HS2ST1: variants seen among roughly 807,000 people sequenced by gnomAD.
HS2ST1 encodes the protein heparan sulfate 2-O-sulfotransferase 1, also known as 2-O-sulfotransferase.
HS2ST1 carries 18 observed loss-of-function variants against 42.9 expected under a neutral mutation model. The ratio of observed to expected loss-of-function variants is 0.42; its 90% CI spans 0.29 to 0.62. The LOEUF is 0.62. HS2ST1 is among the 20% of genes least tolerant of loss of function. The pLI, the probability that HS2ST1 is intolerant of heterozygous loss-of-function variation, is 0.21. For missense variants in HS2ST1, 334 were observed against 433.8 expected, an observed-to-expected ratio of 0.77 and a Z score of 2.04; for synonymous variants, 146 against 152.9, an observed-to-expected ratio of 0.95 and a Z score of 0.33.
Position 87,105,237 on chromosome 1 carries a change from TG to T in HS2ST1, c.*542del, listed in dbSNP as rs1206048020. On this transcript the variant is annotated 3_prime_UTR_variant, in exon 7 of 7. Transcript: ENST00000370550. Reference sequence around the variant, plus strand: ...GAAATGTTTCTGCTGTAGTTGGATTTGCCCATATTTATGTAGGTGGTTTTAA... The same window carrying T: ...GAAATGTTTCTGCTGTAGTTGGATTTCCCATATTTATGTAGGTGGTTTTAA... 1.3e-5 allele frequency: 2 copies of T among 152,656 alleles called. No individual in the cohort carries two copies. The highest frequency in any genetic ancestry group is 2.4e-5 in the African/African-American group (1 of 41,462). The allele number at this position is 152,656 out of a possible 1,614,324, so 9.5% of individuals were successfully genotyped here.
intron 1 of HS2ST1, among the ~76,000 whole-genome samples, chr1:86,974,660 ACT>A (rs1215142521): frequency 1.3e-5 from 2 of 152,124 alleles, no homozygotes; most frequent in African/African-American, 4.8e-5. Context: ...TTCTGCACTA[ACT>A]CTGAGCAGAA....
chr1:86,938,824 C>G (rs1660707164), intron 1 of HS2ST1, among the ~76,000 whole-genome samples: 2 of 152,100 alleles, frequency 1.3e-5, no homozygotes, highest in South Asian at 4.1e-4. Flanking sequence ...TTAATTGATT[C>G]TTAGAGAGTC....
intron 1 of HS2ST1, among the ~76,000 whole-genome samples, chr1:86,940,979 C>T (rs1205380889): frequency 1.3e-5 from 2 of 151,910 alleles, no homozygotes; most frequent in East Asian, 1.9e-4. Context: ...AGAACAAGAC[C>T]CTGTCTCAAA....
intron 1 of HS2ST1, among the ~76,000 whole-genome samples, chr1:86,964,160 G>A (rs1371682325): frequency 4.0e-5 from 6 of 151,372 alleles, no homozygotes; most frequent in East Asian, 2.0e-4. Context: ...ACGGGATGGC[G>A]GCCGGGAAGA....
chr1:86,924,595 A>G (rs571316637), intron 1 of HS2ST1, among the ~76,000 whole-genome samples: 1 of 152,120 alleles, frequency 6.6e-6, no homozygotes, highest in African/African-American at 2.4e-5. Flanking sequence ...ACTTCTGTGC[A>G]CTCGCAGGCT....
Position 87,084,186 on chromosome 1 carries a change from CT to C in HS2ST1, c.364-3del. 3 of 1,554,904 alleles carry C rather than the reference CT, an allele frequency of 1.9e-6. No individual in the cohort carries two copies. The highest frequency in any genetic ancestry group is 2.6e-6 in the Non-Finnish European group (3 of 1,139,368). On this transcript the variant is annotated splice_region_variant and splice_polypyrimidine_tract_variant and intron_variant, in intron 2 of 6. Transcript: ENST00000370550. ...ATTGTATATAATGAATGTGTTCTCC[CT>C]TTTTAGGTGCGCTTTGTAAAGAATA...
At chr1:86,951,448 T>C (rs1053578300) in intron 1 of HS2ST1, among the ~76,000 whole-genome samples, 1 of 152,254 alleles carries the variant, frequency 6.6e-6, no homozygotes, top group Admixed American at 6.5e-5. Context: ...GTAAAAGTTA[T>C]GTTTACACTA....
intron 1 of HS2ST1, 61 bp from the exon 2 acceptor site, chr1:87,072,873 G>C: frequency 8.8e-7 from 1 of 1,134,578 alleles, no homozygotes; most frequent in Non-Finnish European, 1.3e-6. Flanking sequence ...CCAAAGTTCA[G>C]TGTTCATAAC....
chr1:87,045,475 C>T, intron 1 of HS2ST1: 4 of 1,032,836 alleles, frequency 3.9e-6, no homozygotes, highest in Non-Finnish European at 6.2e-6. Context: ...TGAGAACAGT[C>T]ACTTTATGGA....
intron 1 of HS2ST1, among the ~76,000 whole-genome samples, chr1:86,994,859 T>C (rs146552130): frequency 6.6e-6 from 1 of 152,278 alleles, no homozygotes; most frequent in East Asian, 1.9e-4. Context: ...ATAATGAAGT[T>C]TTCTGGAAAT....
Position 87,109,457 on chromosome 1 carries a change from G to A in HS2ST1, c.*4761G>A, listed in dbSNP as rs1652417842. 1 of 151,984 alleles carries A rather than the reference G, an allele frequency of 6.6e-6. No individual in the cohort carries two copies. The highest frequency in any genetic ancestry group is 1.5e-5 in the Non-Finnish European group (1 of 67,934). The allele number at this position is 151,984 out of a possible 1,614,324, so 9.4% of individuals were successfully genotyped here. A position where few individuals can be genotyped will look rare whatever the true frequency, so the allele number is the denominator to read the frequency against. On this transcript the variant is annotated 3_prime_UTR_variant, in exon 7 of 7. Transcript: ENST00000370550. ...TATACTTAATTAGAAGAAAAAAATA[G>A]AGAAAGGGCTATTAGAATTAAAAAA... is the stretch of plus-strand genomic sequence containing the variant.
intron 1 of HS2ST1, among the ~76,000 whole-genome samples, chr1:87,039,170 C>T (rs1308233587): frequency 1.3e-5 from 2 of 152,150 alleles, no homozygotes; most frequent in African/African-American, 4.8e-5. Flanking sequence ...TTTCCACAGC[C>T]TCTTCCTGTG....
chr1:87,098,027 C>G, intron 5 of HS2ST1, 92 bp downstream of exon 5: 1 of 1,555,094 alleles, frequency 6.4e-7, no homozygotes, highest in Non-Finnish European at 8.7e-7. Context: ...ATAGGGAAAT[C>G]GGTGAAAGAC....
chr1:86,965,898 A>G (rs1648032926), intron 1 of HS2ST1, among the ~76,000 whole-genome samples: 1 of 152,236 alleles, frequency 6.6e-6, no homozygotes, highest in African/African-American at 2.4e-5. Context: ...TGTAGTGTCT[A>G]CTAATACCAG....
At chr1:87,068,126 G>A (rs916015322) in intron 1 of HS2ST1, among the ~76,000 whole-genome samples, 3 of 152,088 alleles carry the variant, frequency 2.0e-5, no homozygotes, top group Admixed American at 2.0e-4. Context: ...GCTTGATGGG[G>A]ATAGCATTGA....
intron 1 of HS2ST1, among the ~76,000 whole-genome samples, chr1:86,964,198 C>T (rs182646395): frequency 0.01 from 1,591 of 152,086 alleles, 16 homozygotes; most frequent in Middle Eastern, 0.014. Flanking sequence ...AGACGATGGG[C>T]GGCCAGGCAA....
At chr1:87,000,443 TTAGTC>T (rs1649249694) in intron 1 of HS2ST1, among the ~76,000 whole-genome samples, 1 of 152,218 alleles carries the variant, frequency 6.6e-6, no homozygotes, top group South Asian at 2.1e-4. Context: ...CTTTTGAGTT[TTAGTC>T]TAAAGTCCAG....
chr1:87,072,843 G>A (rs1386017539), intron 1 of HS2ST1, 91 bp from the exon 2 acceptor site: 1 of 876,678 alleles, frequency 1.1e-6, no homozygotes, highest in African/African-American at 1.7e-5. Context: ...TTTCTTTTTT[G>A]TATCTTTTCT....
chr1:87,007,057 T>C (rs552816192), intron 1 of HS2ST1, among the ~76,000 whole-genome samples: 2 of 152,190 alleles, frequency 1.3e-5, no homozygotes, highest in South Asian at 4.1e-4. Context: ...TTTCTTACAA[T>C]AGCATAAAGA....
Sources: gnomAD v4.1 joint callset for allele counts (sites outside exome capture counted in the v4.1 genomes callset) on GRCh38, gnomAD v4.1.1 for gene constraint, MANE v1.5 for transcripts, NCBI Gene and HGNC (gene_info 2026-07-23, HGNC 2026-07-21) for gene names.